B3GLCT: variants seen among roughly 807,000 people sequenced by gnomAD.
B3GLCT encodes beta-1,3-glucosyltransferase.
Under a neutral mutation model 63.4 loss-of-function variants are expected in B3GLCT, and 65 were observed. That is an observed-to-expected ratio of 1.03 (90% CI 0.84 to 1.26). The LOEUF is 1.26. Ranked by LOEUF, B3GLCT falls within the 50% of genes most tolerant of loss-of-function variation. The pLI is 0.00. For missense variants in B3GLCT, 577 were observed against 604.8 expected (o/e 0.95, Z 0.48); for synonymous variants, 233 against 219.2 (o/e 1.06, Z -0.55).
chr13:31,224,915 C>G lies in B3GLCT; in HGVS notation c.160+1924C>G, dbSNP rs189404898. On this transcript the variant is annotated intron_variant, in intron 3 of 14. Coordinates refer to ENST00000343307, the MANE Select transcript of B3GLCT (RefSeq NM_194318.4). ...AGCACTTTACAGTACAGTGCTTGGC[C>G]CATGGTAGGTGCTCAGCAACTGAAG... is the stretch of plus-strand genomic sequence containing the variant. Among the ~76,000 whole-genome samples the G allele has an allele frequency of 9.2e-5, 14 of 152,182 alleles. No individual in the cohort carries two copies. The East Asian group carries it at 2.5e-3, about 27-fold the overall frequency.
intron 12 of B3GLCT, chr13:31,312,868 A>AC (rs1257985606): frequency 6.6e-6 from 1 of 152,260 alleles, no homozygotes; most frequent in Non-Finnish European, 1.5e-5. Context: ...CTTGTAGAGA[A>AC]CAGCAGATCA....
At chr13:31,222,605 ACAG>A (rs1869871717) in intron 2 of B3GLCT, among the ~76,000 whole-genome samples, 1 of 152,096 alleles carries the variant, frequency 6.6e-6, no homozygotes, top group South Asian at 2.1e-4. Context: ...TTTATGGTTT[ACAG>A]GGCTTTAAAA....
chr13:31,320,841 T>G (rs776022855), intron 13 of B3GLCT, among the ~76,000 whole-genome samples: 16 of 152,238 alleles, frequency 1.1e-4, no homozygotes, highest in Non-Finnish European at 2.1e-4. Context: ...TGCATACCAT[T>G]GTTTCCCCAA....
Position 31,275,675 on chromosome 13 carries a change from A to G in B3GLCT, c.781-1027A>G, listed in dbSNP as rs138101621. On this transcript the variant is annotated intron_variant, in intron 9 of 14. Transcript: ENST00000343307. ...GACCCTGACACTCACAAGGTTGTTA[A>G]CAGCTTTTCTCATAAGAAAAAATGT... 7.6e-4 allele frequency among the ~76,000 whole-genome samples: 115 copies of G among 152,258 alleles called. 1 individual carries two copies. Among genetic ancestry groups the G allele is most frequent in the African/African-American group, 2.6e-3 (110 of 41,552 alleles).
Position 31,330,861 on chromosome 13 carries a change from C to T in B3GLCT, c.*1193C>T, listed in dbSNP as rs1399508486. 2 of 151,984 alleles carry T rather than the reference C, an allele frequency of 1.3e-5. No homozygotes were observed. The highest frequency in any genetic ancestry group is 2.1e-4 in the South Asian group (1 of 4,828). The allele number at this position is 151,984 out of a possible 1,614,324, so 9.4% of individuals were successfully genotyped here. ...TTTCTTTTTAATAAAAACTGTTACT[C>T]ATTAACTTTGCTTATAATGCTTTTT... is the stretch of plus-strand genomic sequence containing the variant. On this transcript the variant is annotated 3_prime_UTR_variant, in exon 15 of 15. Coordinates refer to ENST00000343307, the MANE Select transcript of B3GLCT (RefSeq NM_194318.4).
In B3GLCT at chr13:31,266,090, C is replaced by T. The variant is rs943160344; in HGVS notation, c.597-3124C>T. ...TCTCGCTCACTGCAAGTTCCACCCC[C>T]GGGTTCACGCCATTCTCCTGCCTCA... On this transcript the variant is annotated intron_variant, in intron 7 of 14. Coordinates refer to ENST00000343307, the MANE Select transcript of B3GLCT (RefSeq NM_194318.4). Among the ~76,000 whole-genome samples, 14 of 152,124 alleles carry T rather than the reference C, an allele frequency of 9.2e-5. No homozygotes were observed. The East Asian group carries it at 1.9e-3, about 21-fold the overall frequency.
At chr13:31,288,834 A>AT (rs1209610371) in intron 12 of B3GLCT, among the ~76,000 whole-genome samples, 1 of 152,150 alleles carries the variant, frequency 6.6e-6, no homozygotes, top group Non-Finnish European at 1.5e-5. Flanking sequence ...GAAACATGAA[A>AT]AAGCAAGAAA....
chr13:31,310,027 C>T (rs546598005), intron 12 of B3GLCT, among the ~76,000 whole-genome samples: 7 of 152,162 alleles, frequency 4.6e-5, no homozygotes, highest in Non-Finnish European at 1.0e-4. Context: ...CAGAAACGGC[C>T]AGGTCCCCAG....
chr13:31,223,200 T>C (rs942565124), intron 3 of B3GLCT, among the ~76,000 whole-genome samples: 1 of 152,212 alleles, frequency 6.6e-6, no homozygotes, highest in Non-Finnish European at 1.5e-5. Flanking sequence ...GGTGGATTTA[T>C]GTTTACTTAG....
chr13:31,240,473 TTTTTC>T (rs1870875255), intron 4 of B3GLCT, among the ~76,000 whole-genome samples: 2 of 79,998 alleles, frequency 2.5e-5, no homozygotes, highest in Non-Finnish European at 6.6e-5. Context: ...TTTAGTTTTT[TTTTTC>T]TTTTTTTTTT....
chr13:31,211,045 G>T (rs1002662373), intron 1 of B3GLCT, among the ~76,000 whole-genome samples: 1 of 152,080 alleles, frequency 6.6e-6, no homozygotes, highest in African/African-American at 2.4e-5. Context: ...GTCCGGCCAC[G>T]TTTGGTTCCT....
chr13:31,271,173 A>G (rs1872561727), intron 8 of B3GLCT, among the ~76,000 whole-genome samples: 2 of 152,156 alleles, frequency 1.3e-5, no homozygotes, highest in Admixed American at 1.3e-4. Context: ...GTAAATAAAC[A>G]CTTGTGGGGT....
At chr13:31,272,725 C>G (rs1440476795) in intron 8 of B3GLCT, among the ~76,000 whole-genome samples, 1 of 152,118 alleles carries the variant, frequency 6.6e-6, no homozygotes, top group African/African-American at 2.4e-5. Flanking sequence ...CTGATTATCC[C>G]ACTCCCAACT....
intron 7 of B3GLCT, among the ~76,000 whole-genome samples, chr13:31,266,129 C>T (rs1025478629): frequency 6.6e-6 from 1 of 152,154 alleles, no homozygotes; most frequent in Non-Finnish European, 1.5e-5. Flanking sequence ...TCCCGAGTAG[C>T]TGGGACTGCA....
At chr13:31,299,882 C>T (rs1408932788) in intron 12 of B3GLCT, among the ~76,000 whole-genome samples, 3 of 152,178 alleles carry the variant, frequency 2.0e-5, no homozygotes, top group Non-Finnish European at 2.9e-5. Flanking sequence ...GGCCAAGTAT[C>T]CATTGCCCTC....
At chr13:31,223,292 C>T (rs1025353143) in intron 3 of B3GLCT, among the ~76,000 whole-genome samples, 2 of 152,156 alleles carry the variant, frequency 1.3e-5, no homozygotes, top group African/African-American at 4.8e-5. Context: ...GGTGGGCTCT[C>T]TGGGGGAATG....
At chr13:31,320,891 A>T (rs1285712818) in intron 13 of B3GLCT, among the ~76,000 whole-genome samples, 1 of 152,170 alleles carries the variant, frequency 6.6e-6, no homozygotes, top group African/African-American at 2.4e-5. Context: ...TTTTGGACTC[A>T]CCATAGCTAT....
At chr13:31,323,080 A>C (rs1875411155) in intron 13 of B3GLCT, among the ~76,000 whole-genome samples, 1 of 152,242 alleles carries the variant, frequency 6.6e-6, no homozygotes, top group Non-Finnish European at 1.5e-5. Flanking sequence ...AGTCAAGGGC[A>C]GGGAGGGAGT....
intron 4 of B3GLCT, among the ~76,000 whole-genome samples, chr13:31,241,128 A>G (rs989265581): frequency 6.6e-6 from 1 of 152,228 alleles, no homozygotes; most frequent in South Asian, 2.1e-4. Context: ...AGGCTGTGTC[A>G]TGACCCTTTG....
Sources: gnomAD v4.1 joint callset for allele counts (sites outside exome capture counted in the v4.1 genomes callset) on GRCh38, gnomAD v4.1.1 for gene constraint, MANE v1.5 for transcripts, NCBI Gene and HGNC (gene_info 2026-07-23, HGNC 2026-07-21) for gene names.